Variants in FREM2 observed in about 807,000 individuals in gnomAD.
The protein encoded by FREM2 is FRAS1 related extracellular matrix 2.
A neutral mutation model predicts 219.9 loss-of-function variants in FREM2; 119 were observed. The observed-to-expected ratio is 0.54, with a 90% CI of 0.47 to 0.63. FREM2 has a LOEUF of 0.63. Among genes scored for constraint, FREM2 ranks in the 30% least tolerant of loss-of-function variants. FREM2 has a pLI of 0.00. For synonymous variants in FREM2, 1,562 were observed against 1,522.8 expected, an observed-to-expected ratio of 1.03 and a Z score of -0.60; for missense variants, 4,030 against 3,993.6, an observed-to-expected ratio of 1.01 and a Z score of -0.25.
intron 4 of FREM2, among the ~76,000 whole-genome samples, chr13:38,772,752 A>G (rs962960254): frequency 6.0e-5 from 9 of 150,374 alleles, no homozygotes; most frequent in Non-Finnish European, 1.3e-4. Flanking sequence ...GCTGGAGTGC[A>G]GTGGCGCCAT....
intron 6 of FREM2, among the ~76,000 whole-genome samples, chr13:38,836,661 G>A (rs1335236733): frequency 6.6e-6 from 1 of 152,082 alleles, no homozygotes; most frequent in Non-Finnish European, 1.5e-5. Flanking sequence ...ATTCTTCCTG[G>A]TTTAGTCTTG....
chr13:38,838,602 A>G (rs1876815080), intron 6 of FREM2, among the ~76,000 whole-genome samples: 1 of 152,208 alleles, frequency 6.6e-6, no homozygotes, highest in Non-Finnish European at 1.5e-5. Context: ...TACACCAATC[A>G]AACGTAGGTT....
chr13:38,765,787 T>C (rs1325344138), intron 3 of FREM2, among the ~76,000 whole-genome samples: 1 of 152,210 alleles, frequency 6.6e-6, no homozygotes, highest in East Asian at 1.9e-4. Context: ...TTGCTCTGGT[T>C]GCAGGGGGGC....
intron 11 of FREM2, among the ~76,000 whole-genome samples, chr13:38,852,520 A>C (rs1877407602): frequency 6.6e-6 from 1 of 152,146 alleles, no homozygotes; most frequent in Non-Finnish European, 1.5e-5. Flanking sequence ...CTGTGATAAT[A>C]ATCTATTTTA....
intron 2 of FREM2, among the ~76,000 whole-genome samples, chr13:38,727,701 G>A (rs1187664756): frequency 6.6e-6 from 1 of 152,214 alleles, no homozygotes; most frequent in Non-Finnish European, 1.5e-5. Flanking sequence ...TACAATGGTA[G>A]CAAGTATCTA....
At position 38,691,475 on chromosome 13, in the gene FREM2, A is replaced by G; in HGVS notation, c.4131A>G (p.Arg1377=). Residue 1377 remains arginine, a synonymous_variant, in exon 1 of 24, where the codon AGA becomes AGG. Transcript: ENST00000280481. ...ATTTTACCCAGGATGAAGTAGACAG[A>G]AACTTAATTCAGTATGTCCATTTGG... The part of the protein sequence containing the change: ...GMNFTQDEVD[R]NLIQYVHLGQ... 1 of 1,614,162 alleles carries G rather than the reference A, an allele frequency of 6.2e-7. No homozygotes were observed. Among genetic ancestry groups the G allele is most frequent in the Non-Finnish European group, 8.5e-7 (1 of 1,180,022 alleles).
intron 6 of FREM2, among the ~76,000 whole-genome samples, chr13:38,798,519 G>A (rs1874882254): frequency 1.3e-5 from 2 of 151,894 alleles, no homozygotes; most frequent in Non-Finnish European, 2.9e-5. Context: ...TCTATTTTTT[G>A]TACTAGTTTT....
chr13:38,764,452 T>C lies in FREM2; in HGVS notation c.5410+2T>C. On this transcript the variant is annotated splice_donor_variant, in intron 3 of 23. Transcript: ENST00000280481. LOFTEE classifies it high-confidence loss of function. The stretch of plus-strand genomic sequence containing the variant: ...ACTTGGGAGAAACTTCTTTTATAAG[T>C]AAGTTTAATTTTTTATTTCTGTTTT... The C allele has an allele frequency of 6.7e-7, 1 of 1,492,092 alleles. No homozygotes were observed. The highest frequency in any genetic ancestry group is 1.4e-5 in the African/African-American group (1 of 71,422). The allele number at this position is 1,492,092 out of a possible 1,614,324, so 92.4% of individuals were successfully genotyped here.
At chr13:38,743,085 AC>A (rs1872315432) in intron 2 of FREM2, among the ~76,000 whole-genome samples, 1 of 152,158 alleles carries the variant, frequency 6.6e-6, no homozygotes, top group Non-Finnish European at 1.5e-5. Flanking sequence ...AACTGATTTA[AC>A]TAAATCCATG....
chr13:38,730,125 A>C (rs1425423308), intron 2 of FREM2, among the ~76,000 whole-genome samples: 1 of 152,202 alleles, frequency 6.6e-6, no homozygotes, highest in Non-Finnish European at 1.5e-5. Context: ...ATAAACAAAA[A>C]TTTGATAGTC....
At chr13:38,834,499 G>C (rs1015519597) in intron 6 of FREM2, among the ~76,000 whole-genome samples, 1 of 152,066 alleles carries the variant, frequency 6.6e-6, no homozygotes, top group Non-Finnish European at 1.5e-5. Context: ...TGGTATTTCT[G>C]GTTCTAGATC....
intron 2 of FREM2, among the ~76,000 whole-genome samples, chr13:38,700,762 A>T (rs1395628574): frequency 6.6e-6 from 1 of 152,030 alleles, no homozygotes; most frequent in Non-Finnish European, 1.5e-5. Flanking sequence ...TTCCACACTT[A>T]TTCAGGATAG....
At chr13:38,813,771 C>T (rs985944252) in intron 6 of FREM2, among the ~76,000 whole-genome samples, 1 of 150,982 alleles carries the variant, frequency 6.6e-6, no homozygotes, top group Non-Finnish European at 1.5e-5. Context: ...GATATTATCC[C>T]TTTGGATAAA....
At position 38,690,597 on chromosome 13, in the gene FREM2, A is replaced by G; in HGVS notation, c.3253A>G (p.Ile1085Val). 1 of 1,614,076 alleles carries G rather than the reference A, an allele frequency of 6.2e-7. No individual in the cohort carries two copies. Among genetic ancestry groups the G allele is most frequent in the Non-Finnish European group, 8.5e-7 (1 of 1,180,028 alleles). Residue 1085 changes from isoleucine (I) to valine (V), a missense_variant, in exon 1 of 24, where the codon ATA becomes GTA. Ile to Val is a conservative substitution (Grantham distance 29). Around this residue, in one of 2 missense-constraint regions of FREM2, gnomAD observed 3,102 missense variants for 2,950.7 expected, o/e 1.05. Coordinates refer to ENST00000280481, the MANE Select transcript of FREM2 (RefSeq NM_207361.6). ...AGTAATGGAAGGTGATAAAAGTGTTATAACATCAGTGCATATAAGTGCTGA... is the reference window on the plus strand; with the variant it reads ...AGTAATGGAAGGTGATAAAAGTGTTGTAACATCAGTGCATATAAGTGCTGA... ...LIVMEGDKSVITSVHISAEDV... is the reference protein window; with the variant it reads ...LIVMEGDKSVVTSVHISAEDV...
chr13:38,733,232 GA>G (rs1423475100), intron 2 of FREM2, among the ~76,000 whole-genome samples: 1 of 151,750 alleles, frequency 6.6e-6, no homozygotes, highest in East Asian at 1.9e-4. Flanking sequence ...AAGAAATAAA[GA>G]AATAGACAAG....
At position 38,818,968 on chromosome 13, in the gene FREM2, A is replaced by G. The variant is rs140745861; in HGVS notation, c.6020-27605A>G. Reference sequence around the variant, plus strand: ...TAATGCATGATGTGCTGGATATACTAACTACCCTTATTGTGTCATTATACA... The same window carrying G: ...TAATGCATGATGTGCTGGATATACTGACTACCCTTATTGTGTCATTATACA... On this transcript the variant is annotated intron_variant, in intron 6 of 23. Transcript: ENST00000280481. 4.7e-3 allele frequency among the ~76,000 whole-genome samples: 713 copies of G among 152,220 alleles called. 10 individuals carry two copies. Among genetic ancestry groups the G allele is most frequent in the African/African-American group, 0.016 (684 of 41,542 alleles).
intron 2 of FREM2, among the ~76,000 whole-genome samples, chr13:38,728,975 A>G (rs1362788237): frequency 6.6e-6 from 1 of 152,182 alleles, no homozygotes; most frequent in Non-Finnish European, 1.5e-5. Flanking sequence ...AGCTGGGATT[A>G]CAGGCATGCG....
intron 2 of FREM2, among the ~76,000 whole-genome samples, chr13:38,763,588 G>C: frequency 8.0e-6 from 1 of 125,244 alleles, no homozygotes; most frequent in East Asian, 2.4e-4. Flanking sequence ...GATGCGTGCA[G>C]AGTGATCAGC....
chr13:38,741,463 G>A (rs1044594103), intron 2 of FREM2, among the ~76,000 whole-genome samples: 1 of 152,090 alleles, frequency 6.6e-6, no homozygotes, highest in Non-Finnish European at 1.5e-5. Flanking sequence ...CACAAAATGG[G>A]TGCTCAATAA....
Sources: allele counts gnomAD v4.1 joint callset (sites outside exome capture counted in the v4.1 genomes callset), GRCh38; gene constraint gnomAD v4.1.1; regional missense constraint gnomAD v4.1.1; transcripts MANE v1.5; gene names NCBI Gene and HGNC (gene_info 2026-07-23, HGNC 2026-07-21).